RNLS: variants seen among roughly 807,000 people sequenced by gnomAD.
RNLS encodes the protein renalase, FAD dependent amine oxidase, also known as renalase.
Under a neutral mutation model 39.8 loss-of-function variants are expected in RNLS, and 39 were observed. That is an observed-to-expected ratio of 0.98 (90% CI 0.76 to 1.28). The LOEUF (loss-of-function observed/expected upper bound fraction) is 1.28, where lower values mean the gene tolerates loss of function less well. Ranked by LOEUF, RNLS falls within the 50% of genes most tolerant of loss-of-function variation. The pLI is 0.00. For synonymous variants in RNLS, 147 were observed against 150.7 expected (o/e 0.98, Z 0.18); for missense variants, 410 against 413.3 (o/e 0.99, Z 0.07).
chr10:88,502,817 A>G (rs1047586097), intron 4 of RNLS, among the ~76,000 whole-genome samples: 6 of 152,130 alleles, frequency 3.9e-5, no homozygotes, highest in African/African-American at 7.2e-5. Flanking sequence ...AGAATAACAA[A>G]TCTGTTTTTT....
chr10:88,339,768 T>G (rs1847796386), intron 5 of RNLS, among the ~76,000 whole-genome samples: 1 of 152,238 alleles, frequency 6.6e-6, no homozygotes, highest in Non-Finnish European at 1.5e-5. Flanking sequence ...CTATAAATGC[T>G]TCTCTTTGGT....
intron 5 of RNLS, among the ~76,000 whole-genome samples, chr10:88,324,439 A>AAC (rs1589554686): frequency 6.6e-6 from 1 of 151,888 alleles, no homozygotes; most frequent in East Asian, 1.9e-4. Flanking sequence ...AAAAAAAAAA[A>AAC]AAAACTAAAA....
intron 4 of RNLS, among the ~76,000 whole-genome samples, chr10:88,542,655 AC>A (rs1848107614): frequency 6.6e-6 from 1 of 152,182 alleles, no homozygotes. Context: ...ACTAGACAGC[AC>A]TGCATGATCT....
At chr10:88,476,184 G>T (rs1191477121) in intron 4 of RNLS, among the ~76,000 whole-genome samples, 1 of 152,078 alleles carries the variant, frequency 6.6e-6, no homozygotes, top group Admixed American at 6.6e-5. Context: ...AAATCTCACA[G>T]AACAAATTAA....
In RNLS at chr10:88,575,233, T is replaced by C. The variant is rs28631536; in HGVS notation, c.368-2172A>G. 1.0e-3 allele frequency among the ~76,000 whole-genome samples: 123 copies of C among 118,542 alleles called. 1 individual carries two copies. In the South Asian group the frequency reaches 0.012, roughly 12 times the overall value. The allele number at this position is 118,542 out of a possible 152,430, so 77.8% of individuals were successfully genotyped here. On this transcript the variant is annotated intron_variant, in intron 3 of 6. Transcript: ENST00000331772. ...GTGTGTGTATATATATATATATATA[T>C]ACACATATATATACACCAAGGTGTA... is the stretch of plus-strand genomic sequence containing the variant.
At chr10:88,563,487 T>C (rs1849310633) in intron 4 of RNLS, among the ~76,000 whole-genome samples, 1 of 152,174 alleles carries the variant, frequency 6.6e-6, no homozygotes, top group Non-Finnish European at 1.5e-5. Context: ...TCACTGGCAC[T>C]GAAAAGATAC....
the RNLS span, among the ~76,000 whole-genome samples, chr10:88,252,515 G>C: frequency 3.9e-5 from 6 of 152,166 alleles, no homozygotes; most frequent in Non-Finnish European, 7.4e-5. Context: ...GGGGCTAGGG[G>C]CTTCGATTTT....
At chr10:88,292,762 G>A (rs915284453) in intron 6 of RNLS, among the ~76,000 whole-genome samples, 49 of 151,838 alleles carry the variant, frequency 3.2e-4, no homozygotes, top group Admixed American at 6.6e-4. Flanking sequence ...AACAATTTTC[G>A]GCCAAGCGTG....
intron 4 of RNLS, among the ~76,000 whole-genome samples, chr10:88,371,386 A>T (rs1405695449): frequency 1.3e-5 from 2 of 152,174 alleles, no homozygotes; most frequent in Non-Finnish European, 2.9e-5. Flanking sequence ...ACTAAATCAA[A>T]GACACGTCTT....
intron 5 of RNLS, among the ~76,000 whole-genome samples, chr10:88,347,573 A>G (rs1848393012): frequency 6.6e-6 from 1 of 152,134 alleles, no homozygotes; most frequent in African/African-American, 2.4e-5. Flanking sequence ...AGATATTCCA[A>G]AAAGTGTCTG....
chr10:88,317,857 C>A (rs1845878926), intron 5 of RNLS, among the ~76,000 whole-genome samples: 1 of 152,182 alleles, frequency 6.6e-6, no homozygotes, highest in Non-Finnish European at 1.5e-5. Context: ...CAGAGATTGA[C>A]CCCTGAGGAA....
At chr10:88,287,372 C>T (rs144959734) in intron 6 of RNLS, among the ~76,000 whole-genome samples, 2,249 of 152,194 alleles carry the variant, frequency 0.015, 20 homozygotes, top group Non-Finnish European at 0.023. Context: ...AGAGGCAGCA[C>T]ATAGTGCAGT....
At chr10:88,209,146 T>G in the RNLS span, among the ~76,000 whole-genome samples, 1 of 152,118 alleles carries the variant, frequency 6.6e-6, no homozygotes, top group Non-Finnish European at 1.5e-5. Context: ...TTTGACTATC[T>G]TCAAGAGTGA....
chr10:88,312,366 C>T lies in RNLS; in HGVS notation c.876+2100G>A, dbSNP rs555168572. On this transcript the variant is annotated intron_variant, in intron 6 of 6. Coordinates refer to ENST00000331772, the MANE Select transcript of RNLS (RefSeq NM_001031709.3). ...ACAAAGGCAAGAAAATGGATTCTCT[C>T]CTAGGGCCTCTAGAAAGAAATGCAG... Among the ~76,000 whole-genome samples, 16 of 152,280 alleles carry T rather than the reference C, an allele frequency of 1.1e-4. No homozygotes were observed. The South Asian group carries it at 2.1e-3, about 20-fold the overall frequency.
chr10:88,392,877 T>C (rs1163080316), intron 4 of RNLS, among the ~76,000 whole-genome samples: 1 of 152,114 alleles, frequency 6.6e-6, no homozygotes, highest in East Asian at 1.9e-4. Flanking sequence ...CAAGGCTGGT[T>C]CAACATATGC....
chr10:88,241,048 TTA>T, the RNLS span, among the ~76,000 whole-genome samples: 1 of 151,134 alleles, frequency 6.6e-6, no homozygotes. Flanking sequence ...TCTATGATAT[TTA>T]TATATATATT....
At chr10:88,554,730 G>A (rs1215144129) in intron 4 of RNLS, among the ~76,000 whole-genome samples, 1 of 151,884 alleles carries the variant, frequency 6.6e-6, no homozygotes, top group Non-Finnish European at 1.5e-5. Context: ...CCCATCTGAG[G>A]CCCATCCTCT....
At chr10:88,529,810 T>C (rs1847311703) in intron 4 of RNLS, among the ~76,000 whole-genome samples, 1 of 152,202 alleles carries the variant, frequency 6.6e-6, no homozygotes, top group South Asian at 2.1e-4. Context: ...GTTATTTTTG[T>C]TCATACAATA....
At chr10:88,479,869 A>G (rs865882472) in intron 4 of RNLS, among the ~76,000 whole-genome samples, 9 of 151,210 alleles carry the variant, frequency 6.0e-5, no homozygotes, top group Non-Finnish European at 1.5e-5. Context: ...ATGAATACAA[A>G]TTTACCAAAA....
Sources: gnomAD v4.1 joint callset for allele counts (sites outside exome capture counted in the v4.1 genomes callset) on GRCh38, gnomAD v4.1.1 for gene constraint, MANE v1.5 for transcripts, NCBI Gene and HGNC (gene_info 2026-07-23, HGNC 2026-07-21) for gene names.